Variants in HECW1 observed in about 807,000 individuals in gnomAD.
HECW1 encodes E3 ubiquitin-protein ligase HECW1.
A neutral mutation model predicts 182.3 loss-of-function variants in HECW1; 61 were observed. The observed-to-expected ratio is 0.33, with a 90% CI of 0.27 to 0.41. The LOEUF (loss-of-function observed/expected upper bound fraction) is 0.41. HECW1 is among the 10% of genes least tolerant of loss of function. The pLI, the probability that HECW1 is intolerant of heterozygous loss-of-function variation, is 1.00. For missense variants in HECW1, 1,739 were observed against 2,108.9 expected, an observed-to-expected ratio of 0.82 and a Z score of 3.44; for synonymous variants, 859 against 832.6, an observed-to-expected ratio of 1.03 and a Z score of -0.55.
chr7:43,281,592 C>G (rs146163053), intron 3 of HECW1, among the ~76,000 whole-genome samples: 1 of 152,218 alleles, frequency 6.6e-6, no homozygotes, highest in East Asian at 1.9e-4. Context: ...TCTTCTTTCT[C>G]TCAGTCCACT....
chr7:43,419,844 G>A (rs1042247469), intron 8 of HECW1, among the ~76,000 whole-genome samples: 5 of 152,180 alleles, frequency 3.3e-5, no homozygotes, highest in Admixed American at 6.5e-5. Context: ...AGAGTACGCC[G>A]AACAAAGGAG....
Position 43,516,695 on chromosome 7 carries a change from C to T in HECW1, c.4019+7574C>T, listed in dbSNP as rs146242117. Among the ~76,000 whole-genome samples, 238 of 152,262 alleles carry T rather than the reference C, an allele frequency of 1.6e-3. 2 individuals carry two copies. Among genetic ancestry groups the T allele is most frequent in the Non-Finnish European group, 2.6e-3 (174 of 68,030 alleles). ...TTAAGTACAGTCATGTGTCAGTTAA[C>T]GACAGGGATACCTCTGAGAAATGCA... On this transcript the variant is annotated intron_variant, in intron 24 of 29. Coordinates refer to ENST00000395891, the MANE Select transcript of HECW1 (RefSeq NM_015052.5).
intron 2 of HECW1, among the ~76,000 whole-genome samples, chr7:43,214,923 C>T (rs1047837422): frequency 2.6e-5 from 4 of 152,186 alleles, no homozygotes; most frequent in Admixed American, 2.6e-4. Flanking sequence ...GTGAGGGGGC[C>T]CATGAATGCC....
At chr7:43,447,409 G>T (rs1406190218) in intron 11 of HECW1, among the ~76,000 whole-genome samples, 3 of 152,232 alleles carry the variant, frequency 2.0e-5, no homozygotes. Flanking sequence ...CAGGGTCACA[G>T]TGGACATCTC....
At chr7:43,299,401 A>G (rs1292386245) in intron 3 of HECW1, among the ~76,000 whole-genome samples, 6 of 152,160 alleles carry the variant, frequency 3.9e-5, no homozygotes, top group Admixed American at 1.3e-4. Context: ...AGCAATAGAG[A>G]TGGACTGCAC....
At chr7:43,333,831 CCTAT>C (rs1385186566) in intron 5 of HECW1, among the ~76,000 whole-genome samples, 1 of 152,118 alleles carries the variant, frequency 6.6e-6, no homozygotes, top group East Asian at 1.9e-4. Flanking sequence ...AGTCAACTGA[CCTAT>C]CTACCTTCCC....
chr7:43,388,882 G>A (rs1363212140), intron 6 of HECW1, among the ~76,000 whole-genome samples: 1 of 152,190 alleles, frequency 6.6e-6, no homozygotes, highest in Non-Finnish European at 1.5e-5. Context: ...TGATGAGTTT[G>A]AACCAGGTAA....
chr7:43,260,744 T>G (rs572270758), intron 3 of HECW1, among the ~76,000 whole-genome samples: 1 of 152,142 alleles, frequency 6.6e-6, no homozygotes, highest in Non-Finnish European at 1.5e-5. Context: ...GACTTAGTCA[T>G]TGCTTGGATG....
chr7:43,544,465 C>T (rs2081480624), intron 26 of HECW1, among the ~76,000 whole-genome samples: 1 of 152,058 alleles, frequency 6.6e-6, no homozygotes, highest in Non-Finnish European at 1.5e-5. Context: ...GAAAATTTAC[C>T]AGTATTTTGG....
At chr7:43,483,738 G>A (rs573719677) in intron 17 of HECW1, among the ~76,000 whole-genome samples, 3 of 151,902 alleles carry the variant, frequency 2.0e-5, no homozygotes, top group Non-Finnish European at 2.9e-5. Context: ...CAGTAGAGAC[G>A]GGGTTTCACC....
intron 8 of HECW1, among the ~76,000 whole-genome samples, chr7:43,417,683 A>G (rs1324565788): frequency 1.3e-5 from 2 of 152,118 alleles, no homozygotes; most frequent in Non-Finnish European, 2.9e-5. Context: ...GCAACATAGC[A>G]AGACCCCATC....
At chr7:43,308,581 T>C (rs1241418312) in intron 3 of HECW1, among the ~76,000 whole-genome samples, 1 of 151,742 alleles carries the variant, frequency 6.6e-6, no homozygotes, top group Non-Finnish European at 1.5e-5. Context: ...ATATCTTTAT[T>C]TTCTTCTATG....
intron 2 of HECW1, among the ~76,000 whole-genome samples, chr7:43,223,790 G>C (rs1023254112): frequency 1.3e-5 from 2 of 152,086 alleles, no homozygotes; most frequent in Non-Finnish European, 2.9e-5. Flanking sequence ...CTGGGTCTCC[G>C]CTCTGGCCAC....
chr7:43,547,795 C>T (rs1333478371), intron 26 of HECW1, among the ~76,000 whole-genome samples: 1 of 152,198 alleles, frequency 6.6e-6, no homozygotes, highest in African/African-American at 2.4e-5. Flanking sequence ...TTCTCTGCTT[C>T]TTGGGAGTAT....
chr7:43,224,594 G>A (rs1318011435), intron 2 of HECW1, among the ~76,000 whole-genome samples: 2 of 152,210 alleles, frequency 1.3e-5, no homozygotes, highest in Non-Finnish European at 2.9e-5. Context: ...GCTGAGGTGG[G>A]CAATTGCTCG....
intron 3 of HECW1, among the ~76,000 whole-genome samples, chr7:43,276,144 G>A (rs1173748684): frequency 6.6e-6 from 1 of 152,192 alleles, no homozygotes; most frequent in African/African-American, 2.4e-5. Context: ...CTGTGTAAGG[G>A]ATATCAGAAA....
At chr7:43,148,519 C>T (rs145404308) in intron 2 of HECW1, 1 of 151,572 alleles carries the variant, frequency 6.6e-6, no homozygotes, top group East Asian at 1.9e-4. Context: ...CTAATATTTG[C>T]CCTGCCCTTT....
intron 2 of HECW1, among the ~76,000 whole-genome samples, chr7:43,123,801 G>T (rs531088227): frequency 7.9e-5 from 12 of 152,178 alleles, no homozygotes; most frequent in Non-Finnish European, 1.8e-4. Context: ...CAACCGGGTG[G>T]GCTGTGGGCT....
rs7782196 is a variant in HECW1, at chr7:43,270,576, A to G, written c.27+26644A>G. On this transcript the variant is annotated intron_variant, in intron 3 of 29. Coordinates refer to ENST00000395891, the MANE Select transcript of HECW1 (RefSeq NM_015052.5). ...TGGTCACACTGACAAGCTCTGGTTC[A>G]GTGTGGAAGGGCACTTCATAATGCT... Among the ~76,000 whole-genome samples, 285 of 152,304 alleles carry G rather than the reference A, an allele frequency of 1.9e-3. 3 individuals carry two copies. The highest frequency in any genetic ancestry group is 6.7e-3 in the African/African-American group (278 of 41,564).
Sources: allele counts gnomAD v4.1 joint callset (sites outside exome capture counted in the v4.1 genomes callset), GRCh38; gene constraint gnomAD v4.1.1; transcripts MANE v1.5; gene names NCBI Gene and HGNC (gene_info 2026-07-23, HGNC 2026-07-21).